DAB1: variants seen among roughly 807,000 people sequenced by gnomAD.
DAB1 encodes the protein disabled homolog 1.
DAB1 carries 15 observed loss-of-function variants against 64.6 expected under a neutral mutation model. That is an observed-to-expected ratio of 0.23 (90% CI 0.16 to 0.36). The LOEUF (loss-of-function observed/expected upper bound fraction) is 0.36. Among genes scored for constraint, DAB1 ranks in the 10% least tolerant of loss-of-function variants. The pLI, the probability that DAB1 is intolerant of heterozygous loss-of-function variation, is 1.00. For missense variants in DAB1, 596 were observed against 706.7 expected (o/e 0.84, Z 1.78); for synonymous variants, 235 against 251.9 (o/e 0.93, Z 0.64).
intron 5 of DAB1, among the ~76,000 whole-genome samples, chr1:57,910,093 G>C (rs1644618340): frequency 6.6e-6 from 1 of 152,162 alleles, no homozygotes; most frequent in Non-Finnish European, 1.5e-5. Flanking sequence ...TCATTCATCA[G>C]AGCTACAAAA....
chr1:57,725,745 GTTCTT>G (rs956705062), intron 6 of DAB1, among the ~76,000 whole-genome samples: 13 of 150,966 alleles, frequency 8.6e-5, no homozygotes, highest in African/African-American at 7.4e-5. Context: ...TCATTTAACT[GTTCTT>G]TTCTTTTCTT....
rs553600456 is a variant in DAB1, at chr1:57,198,263, G to A, written c.68-52834C>T. Among the ~76,000 whole-genome samples, 6 of 151,816 alleles carry A rather than the reference G, an allele frequency of 4.0e-5. No homozygotes were observed. In the South Asian group the frequency reaches 8.4e-4, roughly 21 times the overall value. On this transcript the variant is annotated intron_variant, in intron 2 of 14. Transcript: ENST00000371236. The stretch of plus-strand genomic sequence containing the variant: ...AACTGTACATTTAGAAATCACCCAC[G>A]CTGTGACAGAGTAAGGCATGCAGGC...
At chr1:58,459,015 T>A (rs1255657135) in intron 3 of DAB1, among the ~76,000 whole-genome samples, 1 of 152,234 alleles carries the variant, frequency 6.6e-6, no homozygotes, top group Admixed American at 6.5e-5. Context: ...ATGGAGAAAG[T>A]CCTTAATGCA....
chr1:57,532,445 C>T (rs1010584268), intron 7 of DAB1, among the ~76,000 whole-genome samples: 3 of 152,134 alleles, frequency 2.0e-5, no homozygotes, highest in African/African-American at 4.8e-5. Flanking sequence ...TCACACTATA[C>T]TCTAATTTGG....
intron 6 of DAB1, among the ~76,000 whole-genome samples, chr1:57,702,157 T>C (rs1261365316): frequency 1.3e-5 from 2 of 152,166 alleles, no homozygotes; most frequent in Non-Finnish European, 2.9e-5. Context: ...ATATGTTTGC[T>C]TAGAGGCTCT....
intron 2 of DAB1, among the ~76,000 whole-genome samples, chr1:58,510,012 A>G (rs947898202): frequency 4.6e-5 from 7 of 152,158 alleles, no homozygotes. Context: ...CCCAACAAAG[A>G]AAAGCCCAGA....
chr1:58,310,598 C>T (rs1662407783), intron 4 of DAB1, among the ~76,000 whole-genome samples: 1 of 152,160 alleles, frequency 6.6e-6, no homozygotes, highest in Non-Finnish European at 1.5e-5. Context: ...TCTACCCACA[C>T]TTCTATGGCT....
intron 6 of DAB1, among the ~76,000 whole-genome samples, chr1:57,674,817 C>T (rs1273999557): frequency 6.6e-6 from 1 of 152,176 alleles, no homozygotes; most frequent in Non-Finnish European, 1.5e-5. Context: ...GAATAACTAA[C>T]AGATAATCAG....
intron 5 of DAB1, among the ~76,000 whole-genome samples, chr1:58,062,309 G>A (rs902909124): frequency 3.9e-5 from 6 of 152,172 alleles, no homozygotes; most frequent in African/African-American, 1.4e-4. Context: ...AGAGGTCACA[G>A]ACCTCATAAG....
chr1:58,507,793 G>C (rs899715073), intron 2 of DAB1, among the ~76,000 whole-genome samples: 4 of 151,864 alleles, frequency 2.6e-5, no homozygotes, highest in African/African-American at 9.7e-5. Context: ...CTCAATAATA[G>C]GTAATCACAT....
chr1:58,127,992 G>A (rs2100687905), intron 5 of DAB1, among the ~76,000 whole-genome samples: 1 of 152,112 alleles, frequency 6.6e-6, no homozygotes, highest in Middle Eastern at 3.4e-3. Context: ...CCAATTGTGT[G>A]AAGAAAGTCA....
chr1:57,385,795 G>A (rs565749217), intron 1 of DAB1, among the ~76,000 whole-genome samples: 2 of 152,286 alleles, frequency 1.3e-5, no homozygotes, highest in East Asian at 3.9e-4. Context: ...AATGTCCCCA[G>A]AATGGCAAGG....
Position 58,260,918 on chromosome 1 carries a change from C to A in DAB1, n.309+82434G>T, listed in dbSNP as rs995697110. On this transcript the variant is annotated intron_variant and non_coding_transcript_variant, in intron 4 of 20. Coordinates refer to the DAB1 transcript ENST00000485760. Reference sequence around the variant, plus strand: ...CCTGGCTTCCCGAGAGTCCATAAAACCCTGATGGCAGAGACTGTTTCTTTT... The same window carrying A: ...CCTGGCTTCCCGAGAGTCCATAAAAACCTGATGGCAGAGACTGTTTCTTTT... Among the ~76,000 whole-genome samples, 7 of 152,160 alleles carry A rather than the reference C, an allele frequency of 4.6e-5. No homozygotes were observed. The South Asian group carries it at 6.2e-4, about 14-fold the overall frequency.
At chr1:58,256,246 G>C (rs565601727) in intron 4 of DAB1, among the ~76,000 whole-genome samples, 1 of 152,330 alleles carries the variant, frequency 6.6e-6, no homozygotes, top group African/African-American at 2.4e-5. Flanking sequence ...ACGGTGATTA[G>C]AGTGATTGCA....
chr1:57,555,388 T>TG (rs1430496358), intron 7 of DAB1, among the ~76,000 whole-genome samples: 1 of 80,504 alleles, frequency 1.2e-5, no homozygotes, highest in Non-Finnish European at 2.4e-5. Context: ...TGTCTGTCTC[T>TG]GGGTTTTTTT....
intron 2 of DAB1, among the ~76,000 whole-genome samples, chr1:58,522,778 A>G (rs1646287053): frequency 6.6e-6 from 1 of 152,202 alleles, no homozygotes; most frequent in Admixed American, 6.5e-5. Context: ...TAAGCTAGAG[A>G]AAGGAAAATG....
At position 58,228,111 on chromosome 1, in the gene DAB1, A is replaced by C. The variant is rs1659586200; in HGVS notation, n.310-77523T>G. On this transcript the variant is annotated intron_variant and non_coding_transcript_variant, in intron 4 of 20. Coordinates refer to the DAB1 transcript ENST00000485760. ...CAGAGCTTGGTATCCGAGATGAAAA[A>C]GACCACATGGAGTAAGAGATGGAGC... Among the ~76,000 whole-genome samples, 3 of 152,310 alleles carry C rather than the reference A, an allele frequency of 2.0e-5. No homozygotes were observed. In the South Asian group the frequency reaches 6.2e-4, roughly 32 times the overall value.
At chr1:58,135,950 T>G (rs1653919344) in intron 5 of DAB1, among the ~76,000 whole-genome samples, 1 of 152,132 alleles carries the variant, frequency 6.6e-6, no homozygotes, top group African/African-American at 2.4e-5. Context: ...TTACCCTCTC[T>G]GCGGTGCAGT....
chr1:57,443,611 T>C (rs1473647263), intron 7 of DAB1, among the ~76,000 whole-genome samples: 1 of 152,216 alleles, frequency 6.6e-6, no homozygotes, highest in Non-Finnish European at 1.5e-5. Flanking sequence ...TATCACTTAG[T>C]TATTATTAAT....
Sources: gnomAD v4.1 joint callset for allele counts (sites outside exome capture counted in the v4.1 genomes callset) on GRCh38, gnomAD v4.1.1 for gene constraint, MANE v1.5 for transcripts, NCBI Gene and HGNC (gene_info 2026-07-23, HGNC 2026-07-21) for gene names.